Variants in GALK2 observed in about 807,000 individuals in gnomAD.
GALK2 encodes the protein galactokinase 2.
In GALK2, 36 loss-of-function variants were observed where a neutral mutation model predicts 52.4. That is an observed-to-expected ratio of 0.69 (90% confidence interval 0.53 to 0.91). GALK2 has a LOEUF of 0.91. GALK2 is among the 40% of genes least tolerant of loss of function. The probability of loss-of-function intolerance (pLI) is 0.00; values close to 1 mark genes in which losing one functional copy is unlikely to be tolerated. For missense variants in GALK2, 579 were observed against 559.1 expected (o/e 1.04, Z -0.36); for synonymous variants, 176 against 199.1 (o/e 0.88, Z 0.98).
At chr15:49,322,393 C>G (rs748790624) in intron 9 of GALK2, among the ~76,000 whole-genome samples, 15 of 152,126 alleles carry the variant, frequency 9.9e-5, no homozygotes, top group Non-Finnish European at 2.1e-4. Flanking sequence ...GGCTTGTTGG[C>G]CAGAATAGTT....
intron 8 of GALK2, among the ~76,000 whole-genome samples, chr15:49,299,709 G>GCTTTCTTTCTTT (rs34902544): frequency 2.1e-4 from 18 of 85,194 alleles, no homozygotes; most frequent in African/African-American, 5.9e-4. Context: ...TCTTGGTATT[G>GCTTTCTTTCTTT]CTTTCTTTCT....
chr15:49,169,745 A>G (rs1358555159), upstream of GALK2, among the ~76,000 whole-genome samples: 1 of 152,214 alleles, frequency 6.6e-6, no homozygotes, highest in Non-Finnish European at 1.5e-5. Context: ...AATGCCTCTA[A>G]CCTGTAAATA....
chr15:49,180,950 G>A (rs866059634), intron 1 of GALK2, among the ~76,000 whole-genome samples: 6 of 152,046 alleles, frequency 3.9e-5, no homozygotes, highest in African/African-American at 1.4e-4. Context: ...GTATTTGGCC[G>A]ACTTATCACT....
At chr15:49,268,460 A>G (rs1245280506) in intron 5 of GALK2, among the ~76,000 whole-genome samples, 1 of 152,226 alleles carries the variant, frequency 6.6e-6, no homozygotes. Context: ...CTAAAACTTC[A>G]GCTATAGAAA....
chr15:49,224,044 G>A (rs948138892), intron 3 of GALK2, among the ~76,000 whole-genome samples: 1 of 151,788 alleles, frequency 6.6e-6, no homozygotes, highest in African/African-American at 2.4e-5. Flanking sequence ...ACACAGCCTT[G>A]CCAGCATCTG....
At chr15:49,179,542 G>A (rs1360666826) in intron 1 of GALK2, among the ~76,000 whole-genome samples, 1 of 151,872 alleles carries the variant, frequency 6.6e-6, no homozygotes, top group Non-Finnish European at 1.5e-5. Flanking sequence ...TTAGCCACAC[G>A]GTCTGAGAGA....
chr15:49,201,082 GTGTGTA>G (rs1555402757), intron 1 of GALK2, 74 bp from the exon 2 acceptor site: 17 of 685,310 alleles, frequency 2.5e-5, no homozygotes, highest in African/African-American at 7.1e-5. Context: ...GTGTGTGTGT[GTGTGTA>G]TGTATGTGTG....
intron 3 of GALK2, among the ~76,000 whole-genome samples, chr15:49,340,403 G>GCCCCCCCCCCCCCCCCC (rs373386438): frequency 2.1e-5 from 2 of 94,380 alleles, no homozygotes; most frequent in Admixed American, 1.1e-4. Flanking sequence ...GCAGTGCCCC[G>GCCCCCCCCCCCCCCCCC]CCCCCCCCCT....
At position 49,356,549 on chromosome 15, in the gene GALK2, A is replaced by G. The variant is rs371847813; in HGVS notation, c.427-10942A>G. Among the ~76,000 whole-genome samples, 31 of 142,000 alleles carry G rather than the reference A, an allele frequency of 2.2e-4. No homozygotes were observed. In the East Asian group the frequency reaches 3.4e-3, roughly 16 times the overall value. 93.2% of individuals were successfully genotyped at this position (142,000 alleles called of 152,430 possible). ...GAAGAGCTAACTATCCTAAATATAT[A>G]TGCACCCAATACAGGAGCACCAAGA... On this transcript the variant is annotated intron_variant, in intron 3 of 3. Coordinates refer to the GALK2 transcript ENST00000558399.
intron 3 of GALK2, among the ~76,000 whole-genome samples, chr15:49,364,449 G>A (rs1027703357): frequency 3.3e-5 from 5 of 151,864 alleles, no homozygotes; most frequent in Non-Finnish European, 7.4e-5. Context: ...CTGTGGGGTT[G>A]GTGGCAATGT....
intron 2 of GALK2, among the ~76,000 whole-genome samples, chr15:49,202,683 G>A (rs1028208951): frequency 1.3e-5 from 2 of 152,132 alleles, no homozygotes; most frequent in Non-Finnish European, 2.9e-5. Flanking sequence ...ATATCTCTTT[G>A]ACATACTGAT....
chr15:49,239,168 A>C, intron 4 of GALK2, 53 bp from the exon 5 acceptor site: 1 of 1,514,656 alleles, frequency 6.6e-7, no homozygotes, highest in Non-Finnish European at 9.2e-7. Context: ...AGCTTTCACT[A>C]CTCCTTGAAT....
downstream of GALK2, chr15:49,335,331 A>G (rs2039521360): frequency 1.6e-5 from 13 of 821,320 alleles, no homozygotes; most frequent in Non-Finnish European, 2.6e-5. Context: ...CTCATCATTA[A>G]GGAACTTAGT....
intron 8 of GALK2, among the ~76,000 whole-genome samples, chr15:49,299,767 CTTTCTTTCTTTCTTTCTTT>C (rs2034909045): frequency 8.4e-6 from 1 of 119,260 alleles, no homozygotes; most frequent in Non-Finnish European, 1.8e-5. Context: ...TTCTTTCTTT[CTTTCTTTCTTTCTTTCTTT>C]CTTTCTTTCG....
intron 1 of GALK2, among the ~76,000 whole-genome samples, chr15:49,181,060 C>CCTCA (rs1160545096): frequency 1.6e-4 from 22 of 139,784 alleles, no homozygotes; most frequent in Non-Finnish European, 3.1e-5. Context: ...TCCCTCCCTC[C>CCTCA]CTCCCTTTCC....
In GALK2 at chr15:49,328,343, C is replaced by T; in HGVS notation, c.*184C>T. 1 of 1,428,996 alleles carries T rather than the reference C, an allele frequency of 7.0e-7. No homozygotes were observed. Among genetic ancestry groups the T allele is most frequent in the Non-Finnish European group, 9.1e-7 (1 of 1,095,418 alleles). The allele number at this position is 1,428,996 out of a possible 1,614,324, so 88.5% of individuals were successfully genotyped here. A position where few individuals can be genotyped will look rare whatever the true frequency, so the allele number is the denominator to read the frequency against. ...TGCTTCATAATGATTCTTTTTCCAT[C>T]TTAAAATATGGTTTTACTATTAAGA... On this transcript the variant is annotated 3_prime_UTR_variant, in exon 10 of 10. Coordinates refer to ENST00000560031, the MANE Select transcript of GALK2 (RefSeq NM_002044.4).
intron 9 of GALK2, among the ~76,000 whole-genome samples, chr15:49,325,944 C>T (rs1271908863): frequency 1.3e-5 from 2 of 152,146 alleles, no homozygotes; most frequent in Non-Finnish European, 2.9e-5. Flanking sequence ...AAAAATAATA[C>T]TCTGTTTGCT....
At chr15:49,239,895 A>G (rs921105951) in intron 5 of GALK2, among the ~76,000 whole-genome samples, 1 of 152,260 alleles carries the variant, frequency 6.6e-6, no homozygotes, top group Non-Finnish European at 1.5e-5. Flanking sequence ...ATAAGTTCAC[A>G]TAAATCTCTG....
intron 3 of GALK2, among the ~76,000 whole-genome samples, chr15:49,357,901 G>T (rs2043454606): frequency 6.6e-6 from 1 of 151,830 alleles, no homozygotes; most frequent in South Asian, 2.1e-4. Context: ...GATCAAGTGG[G>T]CTTCATCCCT....
Sources: allele counts gnomAD v4.1 joint callset (sites outside exome capture counted in the v4.1 genomes callset), GRCh38; gene constraint gnomAD v4.1.1; transcripts MANE v1.5; gene names NCBI Gene and HGNC (gene_info 2026-07-23, HGNC 2026-07-21).